The following PSMC6 variants were observed in gnomAD, a reference collection of about 807,000 sequenced individuals.
PSMC6 encodes the protein 26S proteasome regulatory subunit 10B.
In PSMC6, 3 loss-of-function variants were observed where a neutral mutation model predicts 55.9. The observed-to-expected ratio is 0.05, with a 90% CI of 0.02 to 0.14. The LOEUF (loss-of-function observed/expected upper bound fraction) is 0.14, where lower values mean the gene tolerates loss of function less well. Among genes scored for constraint, PSMC6 ranks in the 10% least tolerant of loss-of-function variants. The pLI, the probability that PSMC6 is intolerant of heterozygous loss-of-function variation, is 1.00. For missense variants in PSMC6, 210 were observed against 478.7 expected (o/e 0.44, Z 5.24); for synonymous variants, 137 against 155.9 (o/e 0.88, Z 0.90).
chr14:52,728,220 T>G lies in PSMC6; in HGVS notation c.*603T>G, dbSNP rs1358851719. Reference sequence around the variant, plus strand: ...TTACATATTCTTCATCTACTGTGATTAAGCTCATTGTTGGTTAATTGAAAA... The same window carrying G: ...TTACATATTCTTCATCTACTGTGATGAAGCTCATTGTTGGTTAATTGAAAA... On this transcript the variant is annotated 3_prime_UTR_variant, in exon 14 of 14. Transcript: ENST00000445930. 1 of 152,320 alleles carries G rather than the reference T, an allele frequency of 6.6e-6. No homozygotes were observed. Among genetic ancestry groups the G allele is most frequent in the Non-Finnish European group, 1.5e-5 (1 of 68,110 alleles). 9.4% of individuals were successfully genotyped at this position (152,320 alleles called of 1,614,324 possible). A position where few individuals can be genotyped will look rare whatever the true frequency, so the allele number is the denominator to read the frequency against.
rs1244467874 is a variant in PSMC6 at position 52,710,913 on chromosome 14, G to A, written c.259-188G>A. 15 of 613,328 alleles carry A rather than the reference G, an allele frequency of 2.4e-5. 1 individual carries two copies. The highest frequency in any genetic ancestry group is 4.1e-5 in the Non-Finnish European group (14 of 340,278). 38.0% of individuals were successfully genotyped at this position (613,328 alleles called of 1,614,324 possible). The stretch of plus-strand genomic sequence containing the variant: ...TTACACAAAGGGGCATGCTTTTAAG[G>A]AGCAGGTGGAAATCACTTTGAATTA... On this transcript the variant is annotated intron_variant, in intron 4 of 13. Transcript: ENST00000445930.
chr14:52,713,385 T>C (rs2041796217), intron 6 of PSMC6, among the ~76,000 whole-genome samples: 1 of 152,208 alleles, frequency 6.6e-6, no homozygotes, highest in African/African-American at 2.4e-5. Context: ...TGCCAACAGA[T>C]AAAAATTGTA....
chr14:52,717,214 T>A (rs2041839133), intron 7 of PSMC6, among the ~76,000 whole-genome samples: 1 of 152,154 alleles, frequency 6.6e-6, no homozygotes, highest in Admixed American at 6.5e-5. Context: ...CTTCAATATA[T>A]ACATGTATCA....
In PSMC6 at chr14:52,727,525, G is replaced by T. The variant is rs757929903; in HGVS notation, c.1078G>T (p.Asp360Tyr). Residue 360 changes from aspartate (D) to tyrosine (Y), a missense_variant, in exon 14 of 14, where the codon GAT becomes TAT. Around this residue, in one of 4 missense-constraint regions of PSMC6, gnomAD observed 79 missense variants for 158.7 expected, o/e 0.50. Transcript: ENST00000445930. ...TATGTTCGCAATTCGTGCTGATCAT[G>T]ATTTTGTAGTACAGGAAGACTTCAT... ...AGMFAIRADHDFVVQEDFMKA... is the reference protein window; with the variant it reads ...AGMFAIRADHYFVVQEDFMKA... 13 of 1,611,820 alleles carry T rather than the reference G, an allele frequency of 8.1e-6. No individual in the cohort carries two copies. Among genetic ancestry groups the T allele is most frequent in the Non-Finnish European group, 1.7e-6 (2 of 1,179,628 alleles).
At chr14:52,727,427 T>C in intron 13 of PSMC6, 72 bp from the exon 14 acceptor site, 2 of 995,228 alleles carry the variant, frequency 2.0e-6, no homozygotes, top group South Asian at 1.6e-5. Flanking sequence ...CATAGAATTA[T>C]ATTGTTTTTC....
At chr14:52,725,311 A>T (rs1880369286) in intron 13 of PSMC6, among the ~76,000 whole-genome samples, 1 of 152,166 alleles carries the variant, frequency 6.6e-6, no homozygotes. Context: ...ACCTTTAGTT[A>T]TTGCAAATGA....
chr14:52,708,313 G>A lies in PSMC6; in HGVS notation c.90G>A (p.Arg30=), dbSNP rs1349945072. ...KEIDGRLKEL[R]EQLKELTKQY... ...GTTCAAATTGTATTATTTCAGTAAGGGAACAATTAAAAGAACTTACCAAGC... is the reference window on the plus strand; with the variant it reads ...GTTCAAATTGTATTATTTCAGTAAGAGAACAATTAAAAGAACTTACCAAGC... The change falls in exon 2 of 14, where the codon AGG becomes AGA. Residue 30 remains arginine, a synonymous_variant. Transcript: ENST00000445930. 1.2e-6 allele frequency: 2 copies of A among 1,605,686 alleles called. No individual in the cohort carries two copies. The highest frequency in any genetic ancestry group is 1.7e-5 in the Admixed American group (1 of 59,990).
intron 13 of PSMC6, among the ~76,000 whole-genome samples, chr14:52,724,825 T>TA (rs1320734558): frequency 6.6e-6 from 1 of 152,254 alleles, no homozygotes; most frequent in African/African-American, 2.4e-5. Flanking sequence ...ACAGTATAGT[T>TA]ACTGACTTTA....
intron 7 of PSMC6, among the ~76,000 whole-genome samples, chr14:52,714,798 A>AGAGGTTGCAGTGAGCC (rs1256611119): frequency 6.8e-6 from 1 of 146,962 alleles, no homozygotes; most frequent in Non-Finnish European, 1.5e-5. Flanking sequence ...CCTGGGAGGC[A>AGAGGTTGCAGTGAGCC]GAGGTTGCAG....
chr14:52,716,753 CA>C (rs545760976), intron 7 of PSMC6, among the ~76,000 whole-genome samples: 14 of 142,608 alleles, frequency 9.8e-5, no homozygotes, highest in South Asian at 2.2e-4. Flanking sequence ...AACTCCATCT[CA>C]AAAAAAAAAG....
At chr14:52,720,403 A>G (rs991290707) in intron 10 of PSMC6, among the ~76,000 whole-genome samples, 5 of 144,578 alleles carry the variant, frequency 3.5e-5, no homozygotes, top group East Asian at 2.0e-4. Flanking sequence ...AAAAATTATC[A>G]GTTTATTATC....
chr14:52,719,056 G>C lies in PSMC6; in HGVS notation c.777+18G>C, dbSNP rs554318427. On this transcript the variant is annotated intron_variant, in intron 10 of 13. Coordinates refer to ENST00000445930, the MANE Select transcript of PSMC6 (RefSeq NM_002806.5). ...TAATGGAGGTAATATTTGGTAAAGG[G>C]GGTTTATAAAGAAACCAATGTTTAT... 10 of 1,583,986 alleles carry C rather than the reference G, an allele frequency of 6.3e-6. No homozygotes were observed. Among genetic ancestry groups the C allele is most frequent in the Non-Finnish European group, 8.7e-6 (10 of 1,154,102 alleles).
intron 12 of PSMC6, chr14:52,722,285 A>G (rs934077604): frequency 6.6e-6 from 1 of 152,128 alleles, no homozygotes; most frequent in Non-Finnish European, 1.5e-5. Context: ...TAAGAGTTCT[A>G]CAGAGGGGGC....
At chr14:52,720,366 TC>T (rs1566660489) in intron 10 of PSMC6, among the ~76,000 whole-genome samples, 1 of 9,692 alleles carries the variant, frequency 1.0e-4, no homozygotes, top group African/African-American at 5.6e-4. Flanking sequence ...AAACTCTGTC[TC>T]AAAAAAAAAA....
At chr14:52,718,535 TC>T in intron 9 of PSMC6, 183 bp downstream of exon 9, 1 of 630,954 alleles carries the variant, frequency 1.6e-6, no homozygotes, top group Non-Finnish European at 2.5e-6. Flanking sequence ...ATGCCTGTAA[TC>T]CCAGCACTTT....
Position 52,714,096 on chromosome 14 carries a change from A to G in PSMC6, c.529+128A>G, listed in dbSNP as rs2041804065. Reference sequence around the variant, plus strand: ...CACTCTGTTGCCCAGGCTGTAGTGCAGTGGCACAATCTGGGCTAACTGCAA... The same window carrying G: ...CACTCTGTTGCCCAGGCTGTAGTGCGGTGGCACAATCTGGGCTAACTGCAA... On this transcript the variant is annotated intron_variant, in intron 7 of 13. Coordinates refer to ENST00000445930, the MANE Select transcript of PSMC6 (RefSeq NM_002806.5). The G allele has an allele frequency of 1.2e-5, 7 of 563,312 alleles. No individual in the cohort carries two copies. In the South Asian group the frequency reaches 1.4e-4, roughly 11 times the overall value. 34.9% of individuals were successfully genotyped at this position (563,312 alleles called of 1,614,324 possible).
At chr14:52,725,198 T>C (rs1217345325) in intron 13 of PSMC6, among the ~76,000 whole-genome samples, 1 of 152,240 alleles carries the variant, frequency 6.6e-6, no homozygotes, top group Non-Finnish European at 1.5e-5. Flanking sequence ...TATCAGAAGA[T>C]TGCTTTGGTT....
At chr14:52,712,130 G>A (rs867366825) in intron 6 of PSMC6, among the ~76,000 whole-genome samples, 3 of 152,136 alleles carry the variant, frequency 2.0e-5, no homozygotes, top group African/African-American at 7.2e-5. Flanking sequence ...ATTAGGCTGT[G>A]AATATTTAGG....
chr14:52,713,928 A>G lies in PSMC6; in HGVS notation c.489A>G (p.Gly163=). Residue 163 remains glycine, a synonymous_variant, in exon 7 of 14, where the codon GGA becomes GGG. Transcript: ENST00000445930. ...LTNPELFQRV[G]IIPPKGCLLY... Reference sequence around the variant, plus strand: ...ACCCAGAGTTATTTCAGCGTGTAGGAATAATACCTCCAAAAGGCTGTTTGT... The same window carrying G: ...ACCCAGAGTTATTTCAGCGTGTAGGGATAATACCTCCAAAAGGCTGTTTGT... 2 of 1,600,630 alleles carry G rather than the reference A, an allele frequency of 1.2e-6. No individual in the cohort carries two copies. Among genetic ancestry groups the G allele is most frequent in the Non-Finnish European group, 1.7e-6 (2 of 1,170,162 alleles).
Sources: allele counts gnomAD v4.1 joint callset (sites outside exome capture counted in the v4.1 genomes callset), GRCh38; gene constraint gnomAD v4.1.1; regional missense constraint gnomAD v4.1.1; transcripts MANE v1.5; gene names NCBI Gene and HGNC (gene_info 2026-07-23, HGNC 2026-07-21).